Variants in LRRC7 observed in about 807,000 individuals in gnomAD.
LRRC7 encodes the protein leucine rich repeat containing 7.
In LRRC7, 23 loss-of-function variants were observed where a neutral mutation model predicts 175.7. The observed-to-expected ratio is 0.13, with a 90% CI of 0.09 to 0.19. LRRC7 has a LOEUF of 0.19. Ranked by LOEUF, LRRC7 falls within the 10% of genes least tolerant of loss-of-function variation. The pLI is 1.00. For synonymous variants in LRRC7, 685 were observed against 680.9 expected, an observed-to-expected ratio of 1.01 and a Z score of -0.09; for missense variants, 1,354 against 1,904.7, an observed-to-expected ratio of 0.71 and a Z score of 5.38.
chr1:69,588,985 CTGTG>C (rs138325158), intron 1 of LRRC7, among the ~76,000 whole-genome samples: 7 of 131,104 alleles, frequency 5.3e-5, no homozygotes, highest in East Asian at 2.0e-4. Context: ...CTGCTGGGGT[CTGTG>C]TGTGTGTGTG....
At chr1:69,868,117 G>C (rs147309318) in intron 7 of LRRC7, among the ~76,000 whole-genome samples, 1 of 152,026 alleles carries the variant, frequency 6.6e-6, no homozygotes, top group Non-Finnish European at 1.5e-5. Context: ...ATTTATTGAA[G>C]TAAGCCAACA....
At chr1:69,601,101 C>T (rs1647051432) in intron 1 of LRRC7, among the ~76,000 whole-genome samples, 1 of 152,112 alleles carries the variant, frequency 6.6e-6, no homozygotes, top group Non-Finnish European at 1.5e-5. Flanking sequence ...CAGGCATGAG[C>T]CACCGTGCCT....
chr1:69,742,511 A>G (rs1476987154), intron 2 of LRRC7, among the ~76,000 whole-genome samples: 1 of 151,682 alleles, frequency 6.6e-6, no homozygotes, highest in African/African-American at 2.4e-5. Flanking sequence ...GAAGATATTT[A>G]TGTGTGTGTA....
chr1:69,939,033 A>ATATATATG (rs1553178496), intron 8 of LRRC7, among the ~76,000 whole-genome samples: 2 of 69,292 alleles, frequency 2.9e-5, no homozygotes, highest in African/African-American at 8.0e-5. Flanking sequence ...ATATATATCT[A>ATATATATG]TATATATCTA....
intron 2 of LRRC7, among the ~76,000 whole-genome samples, chr1:69,691,161 A>G (rs1401632018): frequency 1.3e-5 from 2 of 152,168 alleles, no homozygotes; most frequent in East Asian, 3.9e-4. Context: ...AAGCTGGCCT[A>G]GTGTTTAACA....
chr1:70,093,904 T>G (rs1052799651), intron 25 of LRRC7, among the ~76,000 whole-genome samples: 50 of 152,184 alleles, frequency 3.3e-4, no homozygotes, highest in Non-Finnish European at 1.0e-4. Context: ...GAAACTGCAT[T>G]AATAGATAAC....
chr1:69,662,622 G>T (rs1657643971), intron 1 of LRRC7, among the ~76,000 whole-genome samples: 1 of 152,084 alleles, frequency 6.6e-6, no homozygotes, highest in Non-Finnish European at 1.5e-5. Flanking sequence ...GTTAACATGT[G>T]GTTTCTTTTC....
rs769037955 is a variant in LRRC7 at position 69,622,711 on chromosome 1, G to A, written c.2+54070G>A. Among the ~76,000 whole-genome samples, 145 of 152,254 alleles carry A rather than the reference G, an allele frequency of 9.5e-4. 1 individual carries two copies. The highest frequency in any genetic ancestry group is 1.9e-3 in the Non-Finnish European group (126 of 68,000). On this transcript the variant is annotated intron_variant, in intron 1 of 26. Transcript: ENST00000651989. ...ATTTTTATGGGACTCAAGGTCTCAG[G>A]AGAAGTAACAGTGCTCTAATCATAT...
At chr1:69,700,246 G>A (rs1413567704) in intron 2 of LRRC7, among the ~76,000 whole-genome samples, 10 of 152,164 alleles carry the variant, frequency 6.6e-5, no homozygotes, top group Non-Finnish European at 1.3e-4. Context: ...TACTAGCTGT[G>A]TAACTCAGGC....
At chr1:69,980,602 A>ATT (rs71733859) in intron 9 of LRRC7, 149 bp downstream of exon 9, 166 of 490,390 alleles carry the variant, frequency 3.4e-4, no homozygotes, top group East Asian at 5.0e-4. Flanking sequence ...TGTTTTCACC[A>ATT]TTTTTTTTTT....
intron 8 of LRRC7, among the ~76,000 whole-genome samples, chr1:69,973,961 C>T (rs1323495603): frequency 6.6e-6 from 1 of 152,132 alleles, no homozygotes; most frequent in Admixed American, 6.6e-5. Flanking sequence ...TTCTATGTTC[C>T]CCCTCCGAGT....
chr1:69,811,033 G>A (rs1162916959), intron 4 of LRRC7, among the ~76,000 whole-genome samples: 1 of 152,054 alleles, frequency 6.6e-6, no homozygotes, highest in Non-Finnish European at 1.5e-5. Flanking sequence ...ATCTGACAAA[G>A]GGCTAATATC....
intron 1 of LRRC7, among the ~76,000 whole-genome samples, chr1:69,583,594 A>G (rs1158283574): frequency 6.6e-6 from 1 of 152,212 alleles, no homozygotes; most frequent in Non-Finnish European, 1.5e-5. Context: ...TTTATGTTCA[A>G]GAATTATTAT....
intron 7 of LRRC7, among the ~76,000 whole-genome samples, chr1:69,906,261 T>G (rs980646146): frequency 7.2e-5 from 11 of 152,226 alleles, no homozygotes; most frequent in East Asian, 3.8e-4. Context: ...CTCTTTAGTT[T>G]AATTAGATCC....
chr1:69,755,404 GTATATA>G (rs150853081), intron 2 of LRRC7, among the ~76,000 whole-genome samples: 1 of 146,486 alleles, frequency 6.8e-6, no homozygotes, highest in African/African-American at 2.5e-5. Flanking sequence ...ATATGCAAAA[GTATATA>G]TATATATATT....
intron 1 of LRRC7, among the ~76,000 whole-genome samples, chr1:69,589,115 G>GGGGT (rs1216721512): frequency 1.2e-4 from 17 of 142,354 alleles, no homozygotes; most frequent in African/African-American, 4.4e-4. Flanking sequence ...TCATAAAAAG[G>GGGGT]GTGTGTGTGT....
intron 1 of LRRC7, among the ~76,000 whole-genome samples, chr1:69,663,742 T>C (rs542495202): frequency 8.1e-6 from 1 of 123,982 alleles, no homozygotes; most frequent in African/African-American, 3.1e-5. Flanking sequence ...TGAGACGGAG[T>C]CTCGCTCTGT....
intron 7 of LRRC7, among the ~76,000 whole-genome samples, chr1:69,844,523 T>C (rs1169526569): frequency 6.6e-6 from 1 of 152,142 alleles, no homozygotes; most frequent in African/African-American, 2.4e-5. Flanking sequence ...TTCCTTCTTT[T>C]CTAACGTGGA....
intron 11 of LRRC7, among the ~76,000 whole-genome samples, chr1:70,001,771 T>C (rs991051402): frequency 3.3e-5 from 5 of 152,218 alleles, no homozygotes. Flanking sequence ...CCTGGGAGTT[T>C]CAGCAGCTCT....
Sources: gnomAD v4.1 joint callset for allele counts (sites outside exome capture counted in the v4.1 genomes callset) on GRCh38, gnomAD v4.1.1 for gene constraint, MANE v1.5 for transcripts, NCBI Gene and HGNC (gene_info 2026-07-23, HGNC 2026-07-21) for gene names.